Variants in COP1 observed in about 807,000 individuals in gnomAD.
COP1 encodes the protein E3 ubiquitin-protein ligase COP1.
A neutral mutation model predicts 101.3 loss-of-function variants in COP1; 24 were observed. The ratio of observed to expected loss-of-function variants is 0.24; its 90% CI spans 0.17 to 0.33. The LOEUF is 0.33. Ranked by LOEUF, COP1 falls within the 10% of genes least tolerant of loss-of-function variation. The pLI is 1.00. For synonymous variants in COP1, 347 were observed against 341.9 expected, an observed-to-expected ratio of 1.01 and a Z score of -0.17; for missense variants, 663 against 906.2, an observed-to-expected ratio of 0.73 and a Z score of 3.45.
intron 7 of COP1, among the ~76,000 whole-genome samples, chr1:176,136,174 A>C (rs1236183152): frequency 6.6e-6 from 1 of 152,068 alleles, no homozygotes; most frequent in Admixed American, 6.6e-5. Context: ...TTAATAAAAA[A>C]AGCATTGTAG....
At chr1:176,199,457 G>A (rs961983042) in intron 1 of COP1, among the ~76,000 whole-genome samples, 4 of 152,104 alleles carry the variant, frequency 2.6e-5, no homozygotes, top group African/African-American at 7.2e-5. Context: ...ATGTGAAGAC[G>A]TGTCTGCACA....
At chr1:176,095,838 A>G (rs1682250824) in intron 9 of COP1, among the ~76,000 whole-genome samples, 2 of 152,212 alleles carry the variant, frequency 1.3e-5, no homozygotes, top group Admixed American at 1.3e-4. Context: ...CTTCATTACT[A>G]TTCATAATTT....
intron 3 of COP1, among the ~76,000 whole-genome samples, chr1:176,166,114 T>C (rs1695105666): frequency 6.6e-6 from 1 of 152,124 alleles, no homozygotes; most frequent in Non-Finnish European, 1.5e-5. Context: ...AGATCAAGCC[T>C]GTATTTATTT....
intron 5 of COP1, among the ~76,000 whole-genome samples, chr1:176,152,422 T>C (rs566086510): frequency 2.0e-5 from 3 of 152,240 alleles, no homozygotes; most frequent in East Asian, 1.9e-4. Context: ...TGTTATGACA[T>C]TGTAAATTAG....
intron 15 of COP1, among the ~76,000 whole-genome samples, chr1:176,017,890 T>C (rs1665954692): frequency 6.6e-6 from 1 of 152,190 alleles, no homozygotes; most frequent in Non-Finnish European, 1.5e-5. Flanking sequence ...TGATGGTATC[T>C]CACTATACTG....
intron 18 of COP1, among the ~76,000 whole-genome samples, chr1:175,970,563 G>A (rs1200920021): frequency 6.6e-6 from 1 of 152,078 alleles, no homozygotes; most frequent in African/African-American, 2.4e-5. Flanking sequence ...ATATAGGAAC[G>A]ACATTGTTCT....
intron 18 of COP1, among the ~76,000 whole-genome samples, chr1:175,971,996 T>C (rs971646261): frequency 1.3e-5 from 2 of 152,264 alleles, no homozygotes; most frequent in South Asian, 2.1e-4. Flanking sequence ...GGAAACACTT[T>C]GGCACTTCTA....
intron 11 of COP1, among the ~76,000 whole-genome samples, chr1:176,052,101 G>T (rs1283122108): frequency 6.6e-6 from 1 of 152,102 alleles, no homozygotes; most frequent in South Asian, 2.1e-4. Flanking sequence ...CTCACCCAGA[G>T]TAACTTCCAG....
chr1:176,199,317 C>CA (rs1450060701), intron 1 of COP1, among the ~76,000 whole-genome samples: 2 of 151,678 alleles, frequency 1.3e-5, no homozygotes, highest in South Asian at 2.1e-4. Context: ...ACTCCCATCT[C>CA]AAAAAAAGAT....
intron 9 of COP1, among the ~76,000 whole-genome samples, chr1:176,086,725 C>T (rs1323608096): frequency 6.6e-6 from 1 of 152,102 alleles, no homozygotes; most frequent in African/African-American, 2.4e-5. Context: ...CATCAAGCTA[C>T]CAATGACTTT....
rs1324051265 is a variant in COP1 at position 175,947,402 on chromosome 1, GCT to G, written c.2134-165_2134-164del. 19 of 531,624 alleles carry G rather than the reference GCT, an allele frequency of 3.6e-5. No homozygotes were observed. In the Middle Eastern group the frequency reaches 1.3e-3, roughly 36 times the overall value. 32.9% of individuals were successfully genotyped at this position (531,624 alleles called of 1,614,324 possible). On this transcript the variant is annotated intron_variant, in intron 18 of 19. Coordinates refer to ENST00000367669, the MANE Select transcript of COP1 (RefSeq NM_022457.7). ...TTTTTTTTTTTTGAGACGGAGTCTT[GCT>G]CTGTTGCCCAGGCTGGAGTGCAATG...
intron 3 of COP1, among the ~76,000 whole-genome samples, chr1:176,164,250 G>C (rs1425168781): frequency 6.6e-6 from 1 of 152,180 alleles, no homozygotes; most frequent in African/African-American, 2.4e-5. Flanking sequence ...TATCTACTAT[G>C]AGTTAAGTAC....
intron 15 of COP1, among the ~76,000 whole-genome samples, chr1:176,021,976 T>C (rs1391296285): frequency 6.6e-6 from 1 of 152,252 alleles, no homozygotes; most frequent in Non-Finnish European, 1.5e-5. Flanking sequence ...TAATTTTTGC[T>C]TTTCTATCAT....
At chr1:176,049,070 G>A (rs1301725348) in intron 11 of COP1, among the ~76,000 whole-genome samples, 1 of 151,320 alleles carries the variant, frequency 6.6e-6, no homozygotes, top group Non-Finnish European at 1.5e-5. Flanking sequence ...TACTCGGGAG[G>A]CTGAGGCAGG....
At chr1:176,108,853 C>T (rs1025835381) in intron 9 of COP1, among the ~76,000 whole-genome samples, 1 of 152,120 alleles carries the variant, frequency 6.6e-6, no homozygotes, top group Non-Finnish European at 1.5e-5. Context: ...GTGGCTCATG[C>T]CTCTAATCCC....
chr1:176,141,514 A>G (rs552931888), intron 6 of COP1, among the ~76,000 whole-genome samples: 5 of 152,142 alleles, frequency 3.3e-5, no homozygotes, highest in East Asian at 3.9e-4. Context: ...AAATACATAC[A>G]TACATACATA....
intron 6 of COP1, among the ~76,000 whole-genome samples, chr1:176,146,405 C>T (rs1451276090): frequency 4.6e-5 from 7 of 152,176 alleles, no homozygotes; most frequent in Non-Finnish European, 8.8e-5. Context: ...CAATGATGTG[C>T]TTCTAACAAA....
intron 1 of COP1, among the ~76,000 whole-genome samples, chr1:176,185,312 AGC>A (rs1698308378): frequency 6.6e-6 from 1 of 152,212 alleles, no homozygotes; most frequent in Non-Finnish European, 1.5e-5. Context: ...AGAAGCAGAG[AGC>A]TGTTAAAGTC....
chr1:176,042,730 CAAAAAAAAAAAA>C lies in COP1; in HGVS notation c.1612+444_1612+455del, dbSNP rs35637870. On this transcript the variant is annotated intron_variant, in intron 14 of 19. Transcript: ENST00000367669. ...TGGGCGACACAGTGAAACTCTATCT[CAAAAAAAAAAAA>C]AAAAAAAAAAAGTGGCTCACATCTG... Among the ~76,000 whole-genome samples, 32 of 49,656 alleles carry C rather than the reference CAAAAAAAAAAAA, an allele frequency of 6.4e-4. 2 individuals carry two copies. The highest frequency in any genetic ancestry group is 7.7e-4 in the Admixed American group (3 of 3,878). 32.6% of individuals were successfully genotyped at this position (49,656 alleles called of 152,430 possible).
Sources: gnomAD v4.1 joint callset for allele counts (sites outside exome capture counted in the v4.1 genomes callset) on GRCh38, gnomAD v4.1.1 for gene constraint, MANE v1.5 for transcripts, NCBI Gene and HGNC (gene_info 2026-07-23, HGNC 2026-07-21) for gene names.